The following OPN3 variants were observed in gnomAD, a reference collection of about 807,000 sequenced individuals.
The protein encoded by OPN3 is opsin 3.
Under a neutral mutation model 33.8 loss-of-function variants are expected in OPN3, and 29 were observed. That is an observed-to-expected ratio of 0.86 (90% CI 0.64 to 1.17). OPN3 has a LOEUF of 1.17. OPN3 is among the 50% of genes most tolerant of loss of function. The pLI is 0.00. For synonymous variants in OPN3, 216 were observed against 216.1 expected (o/e 1.00, Z 0.00); for missense variants, 437 against 514.1 (o/e 0.85, Z 1.45).
chr1:241,605,050 T>C (rs561962316), intron 1 of OPN3, among the ~76,000 whole-genome samples: 2 of 97,470 alleles, frequency 2.1e-5, no homozygotes, highest in South Asian at 7.8e-4. Context: ...AGCCAGACCT[T>C]ATCTCAAAAA....
At chr1:241,622,286 C>A (rs918078744) in intron 1 of OPN3, among the ~76,000 whole-genome samples, 4 of 152,144 alleles carry the variant, frequency 2.6e-5, no homozygotes, top group Non-Finnish European at 4.4e-5. Flanking sequence ...ACATTATAAT[C>A]AGTGTAGCTA....
intron 1 of OPN3, among the ~76,000 whole-genome samples, chr1:241,616,313 A>G (rs975161928): frequency 1.3e-5 from 2 of 152,164 alleles, no homozygotes; most frequent in African/African-American, 4.8e-5. Context: ...CCTTTCTGGA[A>G]TAATGACCTG....
At chr1:241,635,109 A>G (rs959610071) in intron 1 of OPN3, 5 of 1,612,682 alleles carry the variant, frequency 3.1e-6, no homozygotes, top group African/African-American at 1.3e-5. Context: ...ACTATTTGAG[A>G]GTAAGTAATC....
Position 241,593,340 on chromosome 1 carries a change from C to A in OPN3, c.*1088G>T. ...AAAAGCACATTTAGTGAAATGTTTTCTTTGGTTCATCCTTCTTTAACAGGC... is the reference window on the plus strand; with the variant it reads ...AAAAGCACATTTAGTGAAATGTTTTATTTGGTTCATCCTTCTTTAACAGGC... On this transcript the variant is annotated 3_prime_UTR_variant, in exon 4 of 4. Transcript: ENST00000366554. The A allele has an allele frequency of 2.3e-6, 1 of 429,262 alleles. No homozygotes were observed. The highest frequency in any genetic ancestry group is 1.7e-5 in the South Asian group (1 of 58,496). 26.6% of individuals were successfully genotyped at this position (429,262 alleles called of 1,614,324 possible).
chr1:241,639,851 G>C (rs1665048047), intron 1 of OPN3, 31 bp downstream of exon 1: 5 of 1,485,052 alleles, frequency 3.4e-6, no homozygotes, highest in Non-Finnish European at 4.5e-6. Flanking sequence ...AGTTTGCAGA[G>C]GGGAGGCTGC....
chr1:241,594,960 G>T, intron 3 of OPN3: 1 of 373,790 alleles, frequency 2.7e-6, no homozygotes. Flanking sequence ...CACTTTCTAT[G>T]AGGGCAGGTA....
At chr1:241,598,263 C>A (rs116433065) in intron 2 of OPN3, among the ~76,000 whole-genome samples, 2,728 of 152,108 alleles carry the variant, frequency 0.018, 78 homozygotes, top group African/African-American at 0.062. Context: ...TTGACGTTCT[C>A]TTATTTACTT....
chr1:241,596,289 A>G (rs902305094), intron 3 of OPN3, among the ~76,000 whole-genome samples: 13 of 152,222 alleles, frequency 8.5e-5, no homozygotes, highest in African/African-American at 3.1e-4. Flanking sequence ...CTCACTAGAA[A>G]AATTCATATG....
At chr1:241,634,173 G>T (rs1664772372) in intron 1 of OPN3, 2 of 1,613,882 alleles carry the variant, frequency 1.2e-6, no homozygotes, top group Non-Finnish European at 1.7e-6. Context: ...TCAGTATACG[G>T]AGTGAATAAT....
At chr1:241,625,723 C>T (rs555212714) in intron 1 of OPN3, among the ~76,000 whole-genome samples, 16 of 152,272 alleles carry the variant, frequency 1.1e-4, no homozygotes, top group African/African-American at 3.9e-4. Flanking sequence ...AACAATGACC[C>T]TGTTGAAGAA....
Position 241,597,985 on chromosome 1 carries a change from C to G in OPN3, c.706G>C (p.Glu236Gln), listed in dbSNP as rs776170535. The G allele has an allele frequency of 6.2e-7, 1 of 1,613,368 alleles. No individual in the cohort carries two copies. The highest frequency in any genetic ancestry group is 8.5e-7 in the Non-Finnish European group (1 of 1,179,770). The change falls in exon 3 of 4, where the codon GAA (glutamate) becomes CAA (glutamine). Residue 236 changes from glutamate to glutamine, a missense_variant. Coordinates refer to ENST00000366554, the MANE Select transcript of OPN3 (RefSeq NM_014322.3). The part of the protein sequence containing the change: ...LYSIRMLRCV[E>Q]DLQTIQVIKI... ...ATCACTTGAATTGTCTGAAGATCTT[C>G]CACACAACGAAGCTGCAGAAAGGAG...
At position 241,593,421 on chromosome 1, in the gene OPN3, G is replaced by C. The variant is rs576158471; in HGVS notation, c.*1007C>G. The C allele has an allele frequency of 1.5e-5, 6 of 403,528 alleles. No homozygotes were observed. Among genetic ancestry groups the C allele is most frequent in the Non-Finnish European group, 2.8e-5 (5 of 179,580 alleles). The allele number at this position is 403,528 out of a possible 1,614,324, so 25.0% of individuals were successfully genotyped here. A position where few individuals can be genotyped will look rare whatever the true frequency, so the allele number is the denominator to read the frequency against. Reference sequence around the variant, plus strand: ...GATTAATTATGAAGATGAAACACTAGAGTCATATAAGAAATAAAAATTGGG... The same window carrying C: ...GATTAATTATGAAGATGAAACACTACAGTCATATAAGAAATAAAAATTGGG... On this transcript the variant is annotated 3_prime_UTR_variant, in exon 4 of 4. Coordinates refer to ENST00000366554, the MANE Select transcript of OPN3 (RefSeq NM_014322.3).
intron 1 of OPN3, among the ~76,000 whole-genome samples, chr1:241,608,673 T>C (rs1034775147): frequency 2.6e-5 from 4 of 152,262 alleles, no homozygotes; most frequent in Non-Finnish European, 5.9e-5. Flanking sequence ...ACTTTCCTTC[T>C]GGTTATTTTG....
In OPN3 at chr1:241,593,632, T is replaced by C. The variant is rs373243756; in HGVS notation, c.*796A>G. On this transcript the variant is annotated 3_prime_UTR_variant, in exon 4 of 4. Coordinates refer to ENST00000366554, the MANE Select transcript of OPN3 (RefSeq NM_014322.3). ...AAGAGAAAAACAAACATAAATTTAT[T>C]AGCGGGTATATGTAATATATATGTG... 1 of 220,090 alleles carries C rather than the reference T, an allele frequency of 4.5e-6. No individual in the cohort carries two copies. Among genetic ancestry groups the C allele is most frequent in the Admixed American group, 4.5e-5 (1 of 22,302 alleles). The allele number at this position is 220,090 out of a possible 1,614,324, so 13.6% of individuals were successfully genotyped here. A position where few individuals can be genotyped will look rare whatever the true frequency, so the allele number is the denominator to read the frequency against.
chr1:241,593,280 A>T lies in OPN3; in HGVS notation c.*1148T>A, dbSNP rs1031794271. 10 of 370,106 alleles carry T rather than the reference A, an allele frequency of 2.7e-5. No homozygotes were observed. Among genetic ancestry groups the T allele is most frequent in the Non-Finnish European group, 6.2e-5 (10 of 161,000 alleles). The allele number at this position is 370,106 out of a possible 1,614,324, so 22.9% of individuals were successfully genotyped here. ...ATTTACTAATTTATTCTTCGACTAC[A>T]TACTGCAGCAGAACCAGCAATACAC... On this transcript the variant is annotated 3_prime_UTR_variant, in exon 4 of 4. Transcript: ENST00000366554.
At chr1:241,600,011 T>G (rs1349762143) in intron 2 of OPN3, among the ~76,000 whole-genome samples, 1 of 152,198 alleles carries the variant, frequency 6.6e-6, no homozygotes. Flanking sequence ...CATAACCACA[T>G]CTCAGTTATC....
chr1:241,598,258 G>A (rs187398709), intron 2 of OPN3, among the ~76,000 whole-genome samples: 16 of 151,914 alleles, frequency 1.1e-4, no homozygotes, highest in East Asian at 9.7e-4. Flanking sequence ...TTTTTTTGAC[G>A]TTCTCTTATT....
chr1:241,612,490 T>C (rs1664023578), intron 1 of OPN3, among the ~76,000 whole-genome samples: 1 of 152,170 alleles, frequency 6.6e-6, no homozygotes, highest in South Asian at 2.1e-4. Context: ...CTAGAAGCTT[T>C]ATAAAATTAA....
rs1189511930 is a variant in OPN3, at chr1:241,615,993, G to A, written c.374-11414C>T. 1.3e-5 allele frequency: 6 copies of A among 456,410 alleles called. No individual in the cohort carries two copies. In the East Asian group the frequency reaches 4.2e-4, roughly 32 times the overall value. 28.3% of individuals were successfully genotyped at this position (456,410 alleles called of 1,614,324 possible). On this transcript the variant is annotated intron_variant, in intron 1 of 3. Transcript: ENST00000366554. ...AGCAGAGTTGGACCAATGGCCAAGA[G>A]ACAGGAAGAAGCCAGAGATTAGATT... is the stretch of plus-strand genomic sequence containing the variant.
Sources: gnomAD v4.1 joint callset for allele counts (sites outside exome capture counted in the v4.1 genomes callset) on GRCh38, gnomAD v4.1.1 for gene constraint, MANE v1.5 for transcripts, NCBI Gene and HGNC (gene_info 2026-07-23, HGNC 2026-07-21) for gene names.